Variants in MAD1L1 observed in about 807,000 individuals in gnomAD.
The protein encoded by MAD1L1 is mitotic arrest deficient 1 like 1.
MAD1L1 carries 95 observed loss-of-function variants against 96.9 expected under a neutral mutation model. The observed-to-expected ratio is 0.98, with a 90% CI of 0.83 to 1.16. The LOEUF (loss-of-function observed/expected upper bound fraction) is 1.16, where lower values mean the gene tolerates loss of function less well. Among genes scored for constraint, MAD1L1 ranks in the 50% most tolerant of loss-of-function variants. The pLI, the probability that MAD1L1 is intolerant of heterozygous loss-of-function variation, is 0.00. For missense variants in MAD1L1, 1,007 were observed against 954.4 expected (o/e 1.06, Z -0.73); for synonymous variants, 473 against 396.6 (o/e 1.19, Z -2.29).
chr7:1,956,299 G>A (rs965506784), intron 16 of MAD1L1, among the ~76,000 whole-genome samples: 1 of 152,072 alleles, frequency 6.6e-6, no homozygotes, highest in East Asian at 1.9e-4. Flanking sequence ...GGGCTGTCTG[G>A]AAGTTTCCAA....
At position 1,948,564 on chromosome 7, in the gene MAD1L1, C is replaced by T. The variant is rs567300058; in HGVS notation, c.1596+9065G>A. Among the ~76,000 whole-genome samples the T allele has an allele frequency of 8.5e-5, 13 of 152,302 alleles. No homozygotes were observed. In the South Asian group the frequency reaches 1.0e-3, roughly 12 times the overall value. ...CCTGAGACCCTGCTGGGCAGCTCCACGTGAAAGGCCAGGGGAGGAGGGAGC... is the reference window on the plus strand; with the variant it reads ...CCTGAGACCCTGCTGGGCAGCTCCATGTGAAAGGCCAGGGGAGGAGGGAGC... On this transcript the variant is annotated intron_variant, in intron 16 of 18. Coordinates refer to ENST00000265854, the MANE Select transcript of MAD1L1 (RefSeq NM_001013836.2).
rs1175919941 is a variant in MAD1L1, at chr7:2,229,969, G to A, written c.150+15C>T. ...CTCCCCAGAGCAGACTCCCACCCAG[G>A]CACATGCCACTCACCTGCATGCTCT... On this transcript the variant is annotated intron_variant, in intron 3 of 18. Coordinates refer to ENST00000265854, the MANE Select transcript of MAD1L1 (RefSeq NM_001013836.2). 2 of 1,611,584 alleles carry A rather than the reference G, an allele frequency of 1.2e-6. No individual in the cohort carries two copies. Among genetic ancestry groups the A allele is most frequent in the Admixed American group, 1.7e-5 (1 of 60,006 alleles).
intron 18 of MAD1L1, 74 bp downstream of exon 18, chr7:1,898,126 G>C (rs750068986): frequency 6.8e-7 from 1 of 1,468,666 alleles, no homozygotes. Context: ...CTTTGCTGAG[G>C]GCTACGGTCG....
intron 18 of MAD1L1, among the ~76,000 whole-genome samples, chr7:1,821,865 C>T (rs1390460422): frequency 3.3e-5 from 5 of 152,172 alleles, no homozygotes; most frequent in African/African-American, 1.2e-4. Flanking sequence ...ATTCGGTCAG[C>T]GGAGAGCTGG....
intron 6 of MAD1L1, 110 bp from the exon 7 acceptor site, chr7:2,218,153 C>A: frequency 1.2e-6 from 1 of 815,028 alleles, no homozygotes; most frequent in Non-Finnish European, 2.1e-6. Flanking sequence ...TCATTCCCAC[C>A]CCAAGGTTCA....
At chr7:2,199,240 C>G (rs943889495) in intron 10 of MAD1L1, among the ~76,000 whole-genome samples, 3 of 152,282 alleles carry the variant, frequency 2.0e-5, no homozygotes, top group African/African-American at 4.8e-5. Flanking sequence ...GATACATTTT[C>G]TAGGCCTCTG....
chr7:1,978,453 C>T (rs868585593), intron 15 of MAD1L1, among the ~76,000 whole-genome samples: 16 of 152,206 alleles, frequency 1.1e-4, no homozygotes, highest in Middle Eastern at 3.2e-3. Flanking sequence ...GTGGTGGGGA[C>T]GGCCCCTCTG....
intron 16 of MAD1L1, among the ~76,000 whole-genome samples, chr7:1,952,605 TGGGAG>T (rs1052748480): frequency 1.3e-5 from 2 of 152,124 alleles, no homozygotes; most frequent in Non-Finnish European, 2.9e-5. Context: ...GGCTCACGCA[TGGGAG>T]GGGAGGGCTG....
At chr7:2,118,624 G>A (rs906727198) in intron 11 of MAD1L1, among the ~76,000 whole-genome samples, 4 of 152,220 alleles carry the variant, frequency 2.6e-5, no homozygotes, top group African/African-American at 9.6e-5. Context: ...GTTCCCTGGG[G>A]CAGGTGACGG....
chr7:2,189,474 G>A (rs566056688), intron 10 of MAD1L1, among the ~76,000 whole-genome samples: 5 of 152,314 alleles, frequency 3.3e-5, no homozygotes, highest in Non-Finnish European at 5.9e-5. Flanking sequence ...AGAAAGAAAG[G>A]ACATTTTGGC....
At chr7:2,087,070 T>TTA (rs890391961) in intron 11 of MAD1L1, among the ~76,000 whole-genome samples, 4 of 152,132 alleles carry the variant, frequency 2.6e-5, no homozygotes, top group Non-Finnish European at 5.9e-5. Context: ...GCTCTTCTCT[T>TTA]TAAAAACGTA....
intron 12 of MAD1L1, among the ~76,000 whole-genome samples, chr7:2,053,854 C>G (rs921749809): frequency 1.3e-5 from 2 of 152,370 alleles, no homozygotes; most frequent in Middle Eastern, 3.4e-3. Context: ...GACCTGGCTT[C>G]CACAGTGCTC....
chr7:2,122,837 C>T (rs915658419), intron 11 of MAD1L1, among the ~76,000 whole-genome samples: 2 of 152,254 alleles, frequency 1.3e-5, no homozygotes, highest in African/African-American at 4.8e-5. Context: ...CTGTCCAGAG[C>T]TGCACATGTG....
intron 11 of MAD1L1, among the ~76,000 whole-genome samples, chr7:2,126,989 G>C (rs76505554): frequency 0.01 from 1,579 of 152,326 alleles, 23 homozygotes; most frequent in African/African-American, 0.036. Flanking sequence ...AGCGGGCCAA[G>C]TCAGGTGTGA....
At chr7:1,879,574 T>C (rs773927040) in intron 18 of MAD1L1, among the ~76,000 whole-genome samples, 18 of 152,148 alleles carry the variant, frequency 1.2e-4, no homozygotes, top group Non-Finnish European at 4.4e-5. Flanking sequence ...TTCCAAAATT[T>C]ATGTGGATCT....
Position 1,923,463 on chromosome 7 carries a change from C to T in MAD1L1, c.1807+13224G>A, listed in dbSNP as rs191323914. The stretch of plus-strand genomic sequence containing the variant: ...CTCTTCCGCCCCGGCACCCTGGCAC[C>T]CCCGCGCTCTTCCGCCCCGGCAGCC... On this transcript the variant is annotated intron_variant, in intron 17 of 18. Transcript: ENST00000265854. Among the ~76,000 whole-genome samples, 935 of 133,510 alleles carry T rather than the reference C, an allele frequency of 7.0e-3. 10 individuals carry two copies. Among genetic ancestry groups the T allele is most frequent in the African/African-American group, 0.025 (890 of 36,184 alleles). 87.6% of individuals were successfully genotyped at this position (133,510 alleles called of 152,430 possible).
In MAD1L1 at chr7:2,139,306, T is replaced by G. The variant is rs576996937; in HGVS notation, c.1073+9846A>C. On this transcript the variant is annotated intron_variant, in intron 11 of 18. Transcript: ENST00000265854. ...CCCTCCCCGCACCCCCACCCCACCCTAGCTCACGGGACCACCCTCCCTCTG... is the reference window on the plus strand; with the variant it reads ...CCCTCCCCGCACCCCCACCCCACCCGAGCTCACGGGACCACCCTCCCTCTG... Among the ~76,000 whole-genome samples the G allele has an allele frequency of 3.6e-3, 390 of 109,206 alleles. 2 individuals are homozygous for G. The highest frequency in any genetic ancestry group is 0.013 in the African/African-American group (362 of 28,348). 71.6% of individuals were successfully genotyped at this position (109,206 alleles called of 152,430 possible). A position where few individuals can be genotyped will look rare whatever the true frequency, so the allele number is the denominator to read the frequency against.
chr7:2,087,251 G>A (rs932066637), intron 11 of MAD1L1, among the ~76,000 whole-genome samples: 6 of 152,180 alleles, frequency 3.9e-5, no homozygotes, highest in African/African-American at 1.4e-4. Context: ...TAAATAATCG[G>A]GAAATGGACC....
chr7:1,957,801 G>A lies in MAD1L1; in HGVS notation c.1506-82C>T, dbSNP rs180773359. 9.7e-4 allele frequency: 1,202 copies of A among 1,244,934 alleles called. 4 individuals are homozygous for A. The highest frequency in any genetic ancestry group is 5.5e-3 in the Middle Eastern group (29 of 5,292). 77.1% of individuals were successfully genotyped at this position (1,244,934 alleles called of 1,614,324 possible). A position where few individuals can be genotyped will look rare whatever the true frequency, so the allele number is the denominator to read the frequency against. ...CCCACCCTCTGGGTGATAAGGAGGTGAAAGGTTAGGAGACCCAGCTATACA... is the reference window on the plus strand; with the variant it reads ...CCCACCCTCTGGGTGATAAGGAGGTAAAAGGTTAGGAGACCCAGCTATACA... On this transcript the variant is annotated intron_variant, in intron 15 of 18. Coordinates refer to ENST00000265854, the MANE Select transcript of MAD1L1 (RefSeq NM_001013836.2).
Sources: gnomAD v4.1 joint callset for allele counts (sites outside exome capture counted in the v4.1 genomes callset) on GRCh38, gnomAD v4.1.1 for gene constraint, MANE v1.5 for transcripts, NCBI Gene and HGNC (gene_info 2026-07-23, HGNC 2026-07-21) for gene names.